The following TENT2 variants were observed in gnomAD, a reference collection of about 807,000 sequenced individuals.
The protein encoded by TENT2 is poly(A) RNA polymerase GLD2.
A neutral mutation model predicts 72.2 loss-of-function variants in TENT2; 44 were observed. The observed-to-expected ratio is 0.61, with a 90% CI of 0.48 to 0.78. TENT2 has a LOEUF of 0.78. Among genes scored for constraint, TENT2 ranks in the 30% least tolerant of loss-of-function variants. The pLI, the probability that TENT2 is intolerant of heterozygous loss-of-function variation, is 0.00. For synonymous variants in TENT2, 212 were observed against 192.5 expected (o/e 1.10, Z -0.84); for missense variants, 541 against 569.6 (o/e 0.95, Z 0.51).
At chr5:79,649,484 A>G (rs531201471) in intron 10 of TENT2, among the ~76,000 whole-genome samples, 37 of 152,052 alleles carry the variant, frequency 2.4e-4, no homozygotes, top group African/African-American at 8.7e-4. Flanking sequence ...AAGCAGACGA[A>G]TGTTCAAAAG....
intron 12 of TENT2, 54 bp downstream of exon 12, chr5:79,669,082 G>A: frequency 6.6e-7 from 1 of 1,518,530 alleles, no homozygotes; most frequent in Non-Finnish European, 9.0e-7. Flanking sequence ...GTGTGTGTAT[G>A]TATGTATATA....
intron 10 of TENT2, among the ~76,000 whole-genome samples, chr5:79,652,159 G>A (rs1219033591): frequency 6.6e-6 from 1 of 151,948 alleles, no homozygotes; most frequent in East Asian, 1.9e-4. Flanking sequence ...ATATATGGAT[G>A]TACATGTAAA....
In TENT2 at chr5:79,685,179, G is replaced by T; in HGVS notation, c.1381-20G>T. ...TGCATAAATTTTAGGTTTTAAGAAT[G>T]ATTTTTCTTTCTCTCCCAGTCATGG... On this transcript the variant is annotated intron_variant, in intron 14 of 14. Transcript: ENST00000453514. 1 of 1,574,044 alleles carries T rather than the reference G, an allele frequency of 6.4e-7. No homozygotes were observed. The highest frequency in any genetic ancestry group is 8.7e-7 in the Non-Finnish European group (1 of 1,152,680).
chr5:79,639,162 A>G (rs2150370860), intron 4 of TENT2, among the ~76,000 whole-genome samples: 1 of 151,858 alleles, frequency 6.6e-6, no homozygotes, highest in East Asian at 1.9e-4. Flanking sequence ...TTCCCCAGAT[A>G]TGTTCATTTT....
At chr5:79,680,811 A>G (rs1477174840) in intron 13 of TENT2, among the ~76,000 whole-genome samples, 1 of 152,148 alleles carries the variant, frequency 6.6e-6, no homozygotes, top group Non-Finnish European at 1.5e-5. Flanking sequence ...TTTCCATGCT[A>G]AAATTCTTAA....
At chr5:79,619,573 G>A in intron 1 of TENT2, 39 bp from the exon 2 acceptor site, 3 of 1,401,892 alleles carry the variant, frequency 2.1e-6, no homozygotes, top group East Asian at 2.4e-5. Flanking sequence ...GTGTCTTTAA[G>A]CTATGATAAT....
At chr5:79,657,889 T>C (rs1031018985) in intron 11 of TENT2, among the ~76,000 whole-genome samples, 3 of 152,226 alleles carry the variant, frequency 2.0e-5, no homozygotes, top group East Asian at 3.8e-4. Flanking sequence ...AAGAGAAATA[T>C]CACCAGCTTA....
chr5:79,669,102 G>A (rs1310328153), intron 12 of TENT2, 74 bp downstream of exon 12: 16 of 1,460,104 alleles, frequency 1.1e-5, no homozygotes, highest in South Asian at 5.5e-5. Context: ...ATATGAATAC[G>A]AATATATAAG....
rs1007583810 is a variant in TENT2, at chr5:79,615,175, A to G, written c.-38+2100A>G. On this transcript the variant is annotated intron_variant, in intron 1 of 14. Transcript: ENST00000453514. ...GCTGTGGACTCAATCTAAGTTTTTA[A>G]GCTGGGGATAATTTGGTCATTAACT... is the stretch of plus-strand genomic sequence containing the variant. 2.6e-5 allele frequency: 4 copies of G among 152,174 alleles called. No individual in the cohort carries two copies. The East Asian group carries it at 7.7e-4, about 29-fold the overall frequency. 9.4% of individuals were successfully genotyped at this position (152,174 alleles called of 1,614,324 possible).
Position 79,685,973 on chromosome 5 carries a change from G to A in TENT2, c.*700G>A, listed in dbSNP as rs1235975988. On this transcript the variant is annotated 3_prime_UTR_variant, in exon 15 of 15. Coordinates refer to ENST00000453514, the MANE Select transcript of TENT2 (RefSeq NM_001114394.3). ...GGAGCACTAACTCTTACAACAGTTA[G>A]TGAATCGTTTTAAAGAATCAGTTCA... is the stretch of plus-strand genomic sequence containing the variant. 1 of 152,602 alleles carries A rather than the reference G, an allele frequency of 6.6e-6. No individual in the cohort carries two copies. The highest frequency in any genetic ancestry group is 1.5e-5 in the Non-Finnish European group (1 of 68,032). The allele number at this position is 152,602 out of a possible 1,614,324, so 9.5% of individuals were successfully genotyped here.
At position 79,640,694 on chromosome 5, in the gene TENT2, A is replaced by C. The variant is rs572975761; in HGVS notation, c.466-157A>C. 2.0e-5 allele frequency among the ~76,000 whole-genome samples: 3 copies of C among 152,224 alleles called. 1 individual carries two copies. The highest frequency in any genetic ancestry group is 2.0e-4 in the Admixed American group (3 of 15,288). ...GTTTTTCAGACCATTCTCTTCCTGT[A>C]CTTGAGTAATAGTAGCTTTGTTTTG... On this transcript the variant is annotated intron_variant, in intron 4 of 14. Coordinates refer to ENST00000453514, the MANE Select transcript of TENT2 (RefSeq NM_001114394.3).
Position 79,619,688 on chromosome 5 carries a change from C to A in TENT2, c.40C>A (p.Pro14Thr). The change falls in exon 2 of 15, where the codon CCA becomes ACA. Residue 14 changes from proline to threonine, a missense_variant. Coordinates refer to ENST00000453514, the MANE Select transcript of TENT2 (RefSeq NM_001114394.3). ...AATTTTGGGTCGCCCACCCTTCACT[C>A]CAAATCATCAACAACATAATAACTT... ...NSILGRPPFTPNHQQHNNFFT... is the reference protein window; with the variant it reads ...NSILGRPPFTTNHQQHNNFFT... The A allele has an allele frequency of 3.7e-6, 6 of 1,613,848 alleles. No individual in the cohort carries two copies. Among genetic ancestry groups the A allele is most frequent in the Non-Finnish European group, 5.1e-6 (6 of 1,179,846 alleles).
intron 10 of TENT2, among the ~76,000 whole-genome samples, chr5:79,655,072 G>A (rs58509055): frequency 0.2 from 30,810 of 151,972 alleles, 4,603 homozygotes; most frequent in African/African-American, 0.42. Context: ...CTGTAGTCCA[G>A]AATTCTGAAG....
chr5:79,658,370 T>TC (rs1799427637), intron 11 of TENT2, among the ~76,000 whole-genome samples: 2 of 151,950 alleles, frequency 1.3e-5, no homozygotes, highest in South Asian at 4.2e-4. Flanking sequence ...TTTTTTTTTT[T>TC]TTCTTAGAGA....
intron 1 of TENT2, among the ~76,000 whole-genome samples, 165 bp from the exon 2 acceptor site, chr5:79,619,443 ATTAG>A (rs1763021246): frequency 6.6e-6 from 1 of 152,218 alleles, no homozygotes; most frequent in South Asian, 2.1e-4. Context: ...GGAATTTATT[ATTAG>A]TTTTCTTTTG....
intron 4 of TENT2, among the ~76,000 whole-genome samples, chr5:79,635,799 G>A (rs1490649470): frequency 2.6e-5 from 4 of 152,072 alleles, no homozygotes; most frequent in African/African-American, 4.8e-5. Flanking sequence ...CCGGCAGTCC[G>A]CCCACCTTGG....
At chr5:79,663,458 C>T (rs1804648836) in intron 11 of TENT2, among the ~76,000 whole-genome samples, 1 of 152,144 alleles carries the variant, frequency 6.6e-6, no homozygotes, top group Non-Finnish European at 1.5e-5. Flanking sequence ...TGTGACTTTT[C>T]CTTTCACTTG....
In TENT2 at chr5:79,688,006, G is replaced by A. The variant is rs933776271; in HGVS notation, c.*2733G>A. Among the ~76,000 whole-genome samples, 1 of 150,666 alleles carries A rather than the reference G, an allele frequency of 6.6e-6. No individual in the cohort carries two copies. Among genetic ancestry groups the A allele is most frequent in the Non-Finnish European group, 1.5e-5 (1 of 67,796 alleles). On this transcript the variant is annotated 3_prime_UTR_variant, in exon 15 of 15. Coordinates refer to ENST00000453514, the MANE Select transcript of TENT2 (RefSeq NM_001114394.3). ...AGCTGGTGTTAAGAGAATAAATATT[G>A]CTGATGCTAAACCTGGTTTAGTGAG...
chr5:79,667,559 A>G (rs1182836345), intron 11 of TENT2, among the ~76,000 whole-genome samples: 1 of 152,114 alleles, frequency 6.6e-6, no homozygotes, highest in Non-Finnish European at 1.5e-5. Flanking sequence ...TTAATACTAC[A>G]GCTGTTAGAA....
Sources: gnomAD v4.1 joint callset for allele counts (sites outside exome capture counted in the v4.1 genomes callset) on GRCh38, gnomAD v4.1.1 for gene constraint, MANE v1.5 for transcripts, NCBI Gene and HGNC (gene_info 2026-07-23, HGNC 2026-07-21) for gene names.